PTPN11: variants seen among roughly 807,000 people sequenced by gnomAD.
PTPN11 encodes the protein protein tyrosine phosphatase non-receptor type 11, also known as tyrosine-protein phosphatase non-receptor type 11.
PTPN11 carries 6 observed loss-of-function variants against 78.8 expected under a neutral mutation model. The observed-to-expected ratio is 0.08, with a 90% confidence interval of 0.04 to 0.15. The LOEUF is 0.15. Among genes scored for constraint, PTPN11 ranks in the 10% least tolerant of loss-of-function variants. The pLI is 1.00. For synonymous variants in PTPN11, 221 were observed against 263.5 expected (o/e 0.84, Z 1.56); for missense variants, 386 against 744.8 (o/e 0.52, Z 5.61).
At chr12:112,433,584 C>T (rs1272019794) in intron 1 of PTPN11, among the ~76,000 whole-genome samples, 17 of 152,282 alleles carry the variant, frequency 1.1e-4, no homozygotes, top group Non-Finnish European at 2.5e-4. Context: ...CAGAGGATAA[C>T]ATAAATGTCC....
chr12:112,473,509 G>C lies in PTPN11; in HGVS notation c.853+469G>C, dbSNP rs144584031. On this transcript the variant is annotated intron_variant, in intron 7 of 15. Transcript: ENST00000351677. ...ACTGTTCTGCTTGCTGATCCCCTGA[G>C]CTCAAGTTACTGGAGAAAGGGTATA... 2.9e-3 allele frequency among the ~76,000 whole-genome samples: 444 copies of C among 152,162 alleles called. 2 individuals carry two copies. The highest frequency in any genetic ancestry group is 9.8e-3 in the African/African-American group (405 of 41,524).
intron 13 of PTPN11, among the ~76,000 whole-genome samples, chr12:112,499,213 T>TA: frequency 6.6e-6 from 1 of 152,132 alleles, no homozygotes; most frequent in Non-Finnish European, 1.5e-5. Context: ...AAATTGCTTT[T>TA]AAAAAAAGTA....
intron 1 of PTPN11, among the ~76,000 whole-genome samples, chr12:112,419,522 A>C (rs2135818509): frequency 6.6e-6 from 1 of 152,286 alleles, no homozygotes; most frequent in Non-Finnish European, 1.5e-5. Flanking sequence ...TCCTTGGGAC[A>C]CGAGAGGGGA....
chr12:112,471,015 C>T (rs1162451249), intron 6 of PTPN11, among the ~76,000 whole-genome samples: 1 of 152,192 alleles, frequency 6.6e-6, no homozygotes, highest in African/African-American at 2.4e-5. Flanking sequence ...TGACTGATTC[C>T]TTGTCACAGT....
intron 13 of PTPN11, among the ~76,000 whole-genome samples, chr12:112,500,260 A>T (rs753387838): frequency 6.6e-6 from 1 of 152,142 alleles, no homozygotes; most frequent in Non-Finnish European, 1.5e-5. Flanking sequence ...ACAACAACAA[A>T]AAAACCAAAT....
chr12:112,461,311 C>T (rs1185713445), intron 6 of PTPN11, among the ~76,000 whole-genome samples: 1 of 150,220 alleles, frequency 6.7e-6, no homozygotes, highest in Admixed American at 6.6e-5. Context: ...TTTTTTCCTT[C>T]TTACTAAGCA....
At chr12:112,421,307 A>T (rs1452296187) in intron 1 of PTPN11, among the ~76,000 whole-genome samples, 1 of 152,246 alleles carries the variant, frequency 6.6e-6, no homozygotes, top group East Asian at 1.9e-4. Context: ...CAGTTTTGAC[A>T]TACATATACA....
chr12:112,439,117 C>T (rs1262838514), intron 1 of PTPN11, among the ~76,000 whole-genome samples: 3 of 152,068 alleles, frequency 2.0e-5, no homozygotes, highest in Non-Finnish European at 2.9e-5. Flanking sequence ...TAGGACTTAA[C>T]AGAGAGGTTA....
chr12:112,452,237 A>AT (rs972620741), intron 3 of PTPN11, among the ~76,000 whole-genome samples: 1 of 150,658 alleles, frequency 6.6e-6, no homozygotes, highest in African/African-American at 2.4e-5. Context: ...TTATTTATTT[A>AT]TTTTTTTTGA....
intron 7 of PTPN11, 58 bp downstream of exon 7, chr12:112,473,098 C>A: frequency 7.4e-7 from 1 of 1,353,576 alleles, no homozygotes; most frequent in Non-Finnish European, 1.1e-6. Context: ...ATTCCTAGCA[C>A]CTCTGTACCT....
intron 13 of PTPN11, among the ~76,000 whole-genome samples, chr12:112,494,097 A>G (rs2038786536): frequency 6.6e-6 from 1 of 152,134 alleles, no homozygotes; most frequent in Non-Finnish European, 1.5e-5. Flanking sequence ...TACCAAAAAT[A>G]TAAAAAATTA....
intron 1 of PTPN11, among the ~76,000 whole-genome samples, chr12:112,421,578 G>A (rs2037522839): frequency 6.6e-6 from 1 of 152,186 alleles, no homozygotes; most frequent in Non-Finnish European, 1.5e-5. Flanking sequence ...GCCTCCTGAA[G>A]TGTTGGGATT....
intron 1 of PTPN11, chr12:112,428,700 T>G (rs969542479): frequency 6.6e-6 from 1 of 152,208 alleles, no homozygotes; most frequent in African/African-American, 2.4e-5. Flanking sequence ...AAAGCTCAAG[T>G]AGATGGTCAT....
intron 13 of PTPN11, among the ~76,000 whole-genome samples, chr12:112,492,634 C>T (rs1429321751): frequency 1.3e-5 from 2 of 151,738 alleles, no homozygotes; most frequent in Non-Finnish European, 2.9e-5. Flanking sequence ...TCTCCTGCCT[C>T]AGCCTCCCAA....
intron 6 of PTPN11, among the ~76,000 whole-genome samples, chr12:112,471,109 C>T (rs180843193): frequency 3.3e-5 from 5 of 152,278 alleles, no homozygotes; most frequent in Admixed American, 2.6e-4. Flanking sequence ...CTGAAGGTTG[C>T]ATTTTGAAAC....
chr12:112,419,706 TAGAAGTA>T (rs1466119386), intron 1 of PTPN11, among the ~76,000 whole-genome samples: 1 of 152,184 alleles, frequency 6.6e-6, no homozygotes, highest in Non-Finnish European at 1.5e-5. Flanking sequence ...CTGCAGCCAC[TAGAAGTA>T]TTTCCTTCCT....
chr12:112,442,639 AC>A (rs1350246694), intron 1 of PTPN11, among the ~76,000 whole-genome samples: 1 of 150,038 alleles, frequency 6.7e-6, no homozygotes, highest in South Asian at 2.1e-4. Context: ...TTTAGTAGAG[AC>A]AGGGTTTCAC....
intron 7 of PTPN11, among the ~76,000 whole-genome samples, chr12:112,475,406 G>A (rs889860252): frequency 3.9e-5 from 6 of 152,066 alleles, no homozygotes; most frequent in Non-Finnish European, 7.4e-5. Context: ...AGTGCATAAT[G>A]TTTTATTGAT....
intron 3 of PTPN11, among the ~76,000 whole-genome samples, chr12:112,451,285 T>C (rs1302109364): frequency 6.6e-6 from 1 of 152,206 alleles, no homozygotes; most frequent in African/African-American, 2.4e-5. Flanking sequence ...GGCAAAAGGC[T>C]GTCAGCCAAC....
Sources: allele counts gnomAD v4.1 joint callset (sites outside exome capture counted in the v4.1 genomes callset), GRCh38; gene constraint gnomAD v4.1.1; transcripts MANE v1.5; gene names NCBI Gene and HGNC (gene_info 2026-07-23, HGNC 2026-07-21).